Variants in ASIC2 observed in about 807,000 individuals in gnomAD.
ASIC2 encodes the protein acid-sensing ion channel 2.
ASIC2 carries 25 observed loss-of-function variants against 57.3 expected under a neutral mutation model. The observed-to-expected ratio is 0.44, with a 90% CI of 0.32 to 0.61. The LOEUF is 0.61. Among genes scored for constraint, ASIC2 ranks in the 20% least tolerant of loss-of-function variants. The probability of loss-of-function intolerance (pLI) is 0.06; values close to 1 mark genes in which losing one functional copy is unlikely to be tolerated. For synonymous variants in ASIC2, 319 were observed against 307.5 expected (o/e 1.04, Z -0.39); for missense variants, 641 against 738.1 (o/e 0.87, Z 1.52).
chr17:34,063,538 G>C (rs1258327161), intron 1 of ASIC2, among the ~76,000 whole-genome samples: 6 of 152,126 alleles, frequency 3.9e-5, no homozygotes, highest in Non-Finnish European at 8.8e-5. Context: ...ACAAGAGAAA[G>C]AAATAAAGGG....
rs768163914 is a variant in ASIC2, at chr17:33,353,414, G to A, written c.556-241347C>T. ...TGCAGTGGTGCAATCACTGCTCACTGCACCCTTGATCTGGGTTCAAGCAAT... is the reference window on the plus strand; with the variant it reads ...TGCAGTGGTGCAATCACTGCTCACTACACCCTTGATCTGGGTTCAAGCAAT... On this transcript the variant is annotated intron_variant, in intron 1 of 9. Coordinates refer to the ASIC2 transcript ENST00000359872. Among the ~76,000 whole-genome samples the A allele has an allele frequency of 2.0e-5, 3 of 152,132 alleles. 1 individual carries two copies. The South Asian group carries it at 6.2e-4, about 32-fold the overall frequency.
intron 1 of ASIC2, among the ~76,000 whole-genome samples, chr17:33,450,348 C>A (rs939037713): frequency 6.6e-6 from 1 of 152,166 alleles, no homozygotes; most frequent in African/African-American, 2.4e-5. Flanking sequence ...GTATAACCTC[C>A]CTCATGGGAG....
At chr17:33,946,931 G>A (rs1278127642) in intron 1 of ASIC2, among the ~76,000 whole-genome samples, 1 of 152,040 alleles carries the variant, frequency 6.6e-6, no homozygotes, top group Non-Finnish European at 1.5e-5. Context: ...AGGAGATGGG[G>A]CATATATGTC....
intron 1 of ASIC2, among the ~76,000 whole-genome samples, chr17:33,280,651 T>C (rs1469252213): frequency 1.3e-5 from 2 of 152,212 alleles, no homozygotes; most frequent in African/African-American, 4.8e-5. Flanking sequence ...CAAATCATCT[T>C]TCAAATCCAT....
At chr17:33,089,178 G>A (rs1281763133) in intron 2 of ASIC2, among the ~76,000 whole-genome samples, 188 bp from the exon 3 acceptor site, 1 of 152,208 alleles carries the variant, frequency 6.6e-6, no homozygotes, top group African/African-American at 2.4e-5. Flanking sequence ...AAGGGACATT[G>A]CAGGTGTGAT....
chr17:33,297,096 C>T (rs1348124842), upstream of ASIC2, among the ~76,000 whole-genome samples: 1 of 152,238 alleles, frequency 6.6e-6, no homozygotes, highest in Non-Finnish European at 1.5e-5. Context: ...CACATGGAAA[C>T]TCTTCAAACT....
chr17:33,855,702 G>T (rs1479161361), intron 1 of ASIC2, among the ~76,000 whole-genome samples: 1 of 152,076 alleles, frequency 6.6e-6, no homozygotes, highest in Non-Finnish European at 1.5e-5. Flanking sequence ...TGAGGGTGGT[G>T]CTATGTGTTT....
chr17:33,186,703 C>T (rs1023215756), intron 1 of ASIC2, among the ~76,000 whole-genome samples: 11 of 152,110 alleles, frequency 7.2e-5, no homozygotes, highest in East Asian at 1.9e-4. Flanking sequence ...GGCTGGCCAT[C>T]GGAAGTTGAT....
Position 33,019,324 on chromosome 17 carries a change from G to A in ASIC2, c.1442-1640C>T, listed in dbSNP as rs901341128. On this transcript the variant is annotated intron_variant, in intron 7 of 9. Transcript: ENST00000225823. ...TGTGTGAGTGTGGGTCTGTGGAGGTGAGCAGAGTGTGTCGAGCGTGTGTAG... is the reference window on the plus strand; with the variant it reads ...TGTGTGAGTGTGGGTCTGTGGAGGTAAGCAGAGTGTGTCGAGCGTGTGTAG... Among the ~76,000 whole-genome samples, 4 of 152,046 alleles carry A rather than the reference G, an allele frequency of 2.6e-5. No individual in the cohort carries two copies. The South Asian group carries it at 6.3e-4, about 24-fold the overall frequency.
At chr17:33,344,357 C>T (rs1425068916) in intron 1 of ASIC2, among the ~76,000 whole-genome samples, 1 of 152,176 alleles carries the variant, frequency 6.6e-6, no homozygotes, top group Non-Finnish European at 1.5e-5. Flanking sequence ...CAGCAGCATC[C>T]AGGCACATAC....
At chr17:33,306,004 G>A (rs1354466454) in intron 1 of ASIC2, among the ~76,000 whole-genome samples, 4 of 152,146 alleles carry the variant, frequency 2.6e-5, no homozygotes, top group Non-Finnish European at 4.4e-5. Context: ...AGCCAGTTGG[G>A]TTATGTTGTC....
At chr17:34,132,560 GCAC>G (rs1486994486) in intron 1 of ASIC2, among the ~76,000 whole-genome samples, 2 of 149,748 alleles carry the variant, frequency 1.3e-5, no homozygotes, top group Non-Finnish European at 1.5e-5. Context: ...GTTTTACAGA[GCAC>G]TGATTGGTGC....
At chr17:33,454,387 C>A (rs919183649) in intron 1 of ASIC2, among the ~76,000 whole-genome samples, 1 of 152,196 alleles carries the variant, frequency 6.6e-6, no homozygotes, top group East Asian at 1.9e-4. Flanking sequence ...AGGCAAAGAC[C>A]CTTTACTCCC....
intron 1 of ASIC2, among the ~76,000 whole-genome samples, chr17:33,942,739 A>T (rs1916219732): frequency 6.6e-6 from 1 of 152,154 alleles, no homozygotes; most frequent in Non-Finnish European, 1.5e-5. Context: ...TGTTGCTAAG[A>T]CATGGTTTAA....
chr17:33,549,152 T>C (rs1015660553), intron 1 of ASIC2, among the ~76,000 whole-genome samples: 1 of 152,276 alleles, frequency 6.6e-6, no homozygotes. Flanking sequence ...ATGGCAGGCA[T>C]GCAATAAATA....
At chr17:33,954,617 A>C (rs919156539) in intron 1 of ASIC2, among the ~76,000 whole-genome samples, 3 of 152,216 alleles carry the variant, frequency 2.0e-5, no homozygotes, top group African/African-American at 7.2e-5. Flanking sequence ...GACATGGGAA[A>C]GAGCTTCACC....
At chr17:34,122,560 T>C (rs371670818) in intron 1 of ASIC2, among the ~76,000 whole-genome samples, 151 of 152,332 alleles carry the variant, frequency 9.9e-4, no homozygotes, top group African/African-American at 3.6e-3. Context: ...TGTGTCTGTG[T>C]CAGGGGAGGA....
chr17:33,571,931 C>A (rs1916459960), intron 1 of ASIC2: 1 of 152,248 alleles, frequency 6.6e-6, no homozygotes, highest in Admixed American at 6.5e-5. Context: ...GGGTTGTTCA[C>A]TGAGGTGAAA....
chr17:33,360,757 C>T (rs529334847), intron 1 of ASIC2, among the ~76,000 whole-genome samples: 2 of 152,298 alleles, frequency 1.3e-5, no homozygotes, highest in African/African-American at 4.8e-5. Context: ...AAACTGCCTC[C>T]CATATAGAAG....
Sources: gnomAD v4.1 joint callset for allele counts (sites outside exome capture counted in the v4.1 genomes callset) on GRCh38, gnomAD v4.1.1 for gene constraint, MANE v1.5 for transcripts, NCBI Gene and HGNC (gene_info 2026-07-23, HGNC 2026-07-21) for gene names.